The following CFAP299 variants were observed in gnomAD, a reference collection of about 807,000 sequenced individuals.
CFAP299 encodes the protein cilia- and flagella-associated protein 299.
In CFAP299, 21 loss-of-function variants were observed where a neutral mutation model predicts 27.0. The observed-to-expected ratio is 0.78, with a 90% confidence interval of 0.55 to 1.12. The LOEUF (loss-of-function observed/expected upper bound fraction) is 1.12, where lower values mean the gene tolerates loss of function less well. Among genes scored for constraint, CFAP299 ranks in the 50% most tolerant of loss-of-function variants. The pLI is 0.00. For synonymous variants in CFAP299, 104 were observed against 98.1 expected (o/e 1.06, Z -0.36); for missense variants, 310 against 276.6 (o/e 1.12, Z -0.86).
intron 3 of CFAP299, among the ~76,000 whole-genome samples, chr4:80,599,967 G>T (rs1030876013): frequency 6.6e-6 from 1 of 152,004 alleles, no homozygotes; most frequent in Non-Finnish European, 1.5e-5. Flanking sequence ...AAATTTATCA[G>T]ATCTCAAAGG....
chr4:80,706,665 T>C (rs1239909436), intron 3 of CFAP299, among the ~76,000 whole-genome samples: 2 of 151,954 alleles, frequency 1.3e-5, no homozygotes, highest in African/African-American at 4.8e-5. Context: ...TATTTGTGTA[T>C]GTGTGATGCA....
At chr4:80,417,624 A>G (rs1727080534) in intron 2 of CFAP299, among the ~76,000 whole-genome samples, 2 of 152,148 alleles carry the variant, frequency 1.3e-5, no homozygotes, top group South Asian at 4.1e-4. Context: ...TTGGGTATCA[A>G]TTTGAAATAC....
At chr4:80,956,244 G>A (rs1378461683) in intron 5 of CFAP299, among the ~76,000 whole-genome samples, 4 of 152,114 alleles carry the variant, frequency 2.6e-5, no homozygotes, top group African/African-American at 9.7e-5. Flanking sequence ...TTTGCAGTTA[G>A]ACCATGTCAA....
intron 2 of CFAP299, among the ~76,000 whole-genome samples, chr4:80,398,179 A>C (rs1725925023): frequency 6.6e-6 from 1 of 152,188 alleles, no homozygotes; most frequent in African/African-American, 2.4e-5. Flanking sequence ...TGCTCAACGA[A>C]ATAAAAGAGG....
At chr4:80,667,622 TC>T (rs1328158859) in intron 3 of CFAP299, among the ~76,000 whole-genome samples, 4 of 152,274 alleles carry the variant, frequency 2.6e-5, no homozygotes, top group African/African-American at 9.6e-5. Flanking sequence ...TATCATGACT[TC>T]CAGTTCTATC....
chr4:80,600,362 G>A (rs6535040), intron 3 of CFAP299, among the ~76,000 whole-genome samples: 1 of 152,028 alleles, frequency 6.6e-6, no homozygotes, highest in African/African-American at 2.4e-5. Context: ...AGTTCAGGAT[G>A]TTATATTACA....
chr4:80,538,179 CA>C (rs1490742326), intron 2 of CFAP299, among the ~76,000 whole-genome samples: 2 of 151,928 alleles, frequency 1.3e-5, no homozygotes, highest in East Asian at 3.9e-4. Context: ...AACAAACCTG[CA>C]TTGCTAGTTA....
chr4:80,821,696 A>G (rs538011699), intron 3 of CFAP299, among the ~76,000 whole-genome samples: 16 of 152,064 alleles, frequency 1.1e-4, no homozygotes, highest in Admixed American at 9.8e-4. Context: ...CTTTATTTTC[A>G]TTTCCTTGAC....
chr4:80,625,647 C>G (rs751665758), intron 3 of CFAP299, among the ~76,000 whole-genome samples: 6 of 151,916 alleles, frequency 3.9e-5, no homozygotes, highest in Non-Finnish European at 7.4e-5. Context: ...AAGAGACTGA[C>G]TTCACTTGTA....
intron 3 of CFAP299, among the ~76,000 whole-genome samples, chr4:80,672,233 A>C (rs979896722): frequency 6.6e-5 from 10 of 152,146 alleles, no homozygotes; most frequent in Non-Finnish European, 1.3e-4. Flanking sequence ...AATTTTATCG[A>C]AGGTCTTTTC....
intron 3 of CFAP299, among the ~76,000 whole-genome samples, chr4:80,603,441 C>T (rs924665327): frequency 2.6e-5 from 4 of 152,072 alleles, no homozygotes; most frequent in Non-Finnish European, 5.9e-5. Flanking sequence ...CATGCACACA[C>T]GCACAAACAT....
At chr4:80,609,750 C>T (rs1737867992) in intron 3 of CFAP299, among the ~76,000 whole-genome samples, 5 of 151,778 alleles carry the variant, frequency 3.3e-5, no homozygotes, top group Admixed American at 2.0e-4. Flanking sequence ...TGGTAGTTCT[C>T]TAGTAATACA....
chr4:80,726,492 T>G (rs1412593751), intron 3 of CFAP299, among the ~76,000 whole-genome samples: 5 of 152,174 alleles, frequency 3.3e-5, no homozygotes, highest in Admixed American at 6.5e-5. Flanking sequence ...AAATATATTT[T>G]TACAACCTGT....
intron 4 of CFAP299, chr4:80,870,776 T>C: frequency 1.0e-6 from 1 of 985,432 alleles, no homozygotes; most frequent in Middle Eastern, 5.2e-4. Context: ...AGCATTATGC[T>C]TTAACTCTCC....
chr4:80,658,289 A>C lies in CFAP299; in HGVS notation c.333+75106A>C, dbSNP rs189544415. ...CTATGTTGAATAGGGGTGGTGAGAGAGGACATCCTTGTCTTGTGCTGTTTT... is the reference window on the plus strand; with the variant it reads ...CTATGTTGAATAGGGGTGGTGAGAGCGGACATCCTTGTCTTGTGCTGTTTT... On this transcript the variant is annotated intron_variant, in intron 3 of 5. Transcript: ENST00000358105. Among the ~76,000 whole-genome samples the C allele has an allele frequency of 6.7e-3, 1,021 of 152,232 alleles. 5 individuals carry two copies. Among genetic ancestry groups the C allele is most frequent in the Non-Finnish European group, 9.3e-3 (631 of 68,010 alleles).
At chr4:80,517,142 TCA>T (rs1560604076) in intron 2 of CFAP299, among the ~76,000 whole-genome samples, 1 of 152,206 alleles carries the variant, frequency 6.6e-6, no homozygotes, top group Non-Finnish European at 1.5e-5. Flanking sequence ...ATGTCTAGTT[TCA>T]CAGTTTGTTG....
At chr4:80,712,374 C>T (rs1578048637) in intron 3 of CFAP299, among the ~76,000 whole-genome samples, 1 of 152,136 alleles carries the variant, frequency 6.6e-6, no homozygotes, top group Non-Finnish European at 1.5e-5. Flanking sequence ...CAAGTTTCAA[C>T]AAAAACTTCA....
intron 2 of CFAP299, among the ~76,000 whole-genome samples, chr4:80,433,127 C>T (rs1727906468): frequency 6.6e-6 from 1 of 151,940 alleles, no homozygotes; most frequent in Non-Finnish European, 1.5e-5. Flanking sequence ...TTAATTTATC[C>T]TGTTCATCTG....
At chr4:80,458,603 A>G (rs1729284327) in intron 2 of CFAP299, among the ~76,000 whole-genome samples, 1 of 152,092 alleles carries the variant, frequency 6.6e-6, no homozygotes, top group African/African-American at 2.4e-5. Context: ...TAGCCAATTT[A>G]TTTATTTTAT....
Sources: gnomAD v4.1 joint callset for allele counts (sites outside exome capture counted in the v4.1 genomes callset) on GRCh38, gnomAD v4.1.1 for gene constraint, MANE v1.5 for transcripts, NCBI Gene and HGNC (gene_info 2026-07-23, HGNC 2026-07-21) for gene names.